Variants in ARHGAP32 observed in about 807,000 individuals in gnomAD.
ARHGAP32 encodes Rho GTPase activating protein 32.
Under a neutral mutation model 186.5 loss-of-function variants are expected in ARHGAP32, and 51 were observed. The observed-to-expected ratio is 0.27, with a 90% CI of 0.22 to 0.35. The LOEUF (loss-of-function observed/expected upper bound fraction) is 0.35. Ranked by LOEUF, ARHGAP32 falls within the 10% of genes least tolerant of loss-of-function variation. ARHGAP32 has a pLI of 1.00. For missense variants in ARHGAP32, 2,186 were observed against 2,623.5 expected (o/e 0.83, Z 3.64); for synonymous variants, 950 against 964.3 (o/e 0.99, Z 0.27).
intron 6 of ARHGAP32, among the ~76,000 whole-genome samples, chr11:129,088,687 T>C (rs573159886): frequency 2.6e-5 from 4 of 152,260 alleles, no homozygotes; most frequent in Non-Finnish European, 4.4e-5. Flanking sequence ...AAGGAATAAA[T>C]CAAAATCTCT....
intron 1 of ARHGAP32, among the ~76,000 whole-genome samples, chr11:129,202,088 A>G (rs1944462849): frequency 6.6e-6 from 1 of 152,096 alleles, no homozygotes; most frequent in African/African-American, 2.4e-5. Flanking sequence ...ACATATACAT[A>G]TACACACATA....
Position 129,201,561 on chromosome 11 carries a change from C to T in ARHGAP32, c.-4-37134G>A, listed in dbSNP as rs189179473. Among the ~76,000 whole-genome samples, 255 of 152,164 alleles carry T rather than the reference C, an allele frequency of 1.7e-3. 2 individuals are homozygous for T. The highest frequency in any genetic ancestry group is 3.4e-3 in the Middle Eastern group (1 of 294). On this transcript the variant is annotated intron_variant, in intron 1 of 6. Coordinates refer to the ARHGAP32 transcript ENST00000525234. Reference sequence around the variant, plus strand: ...AGTGTGATTCTACTATTTATATCTACGGATAAATCAAAACTACTGTATATA... The same window carrying T: ...AGTGTGATTCTACTATTTATATCTATGGATAAATCAAAACTACTGTATATA...
At chr11:129,161,675 G>T (rs1943532769) in intron 2 of ARHGAP32, among the ~76,000 whole-genome samples, 1 of 152,132 alleles carries the variant, frequency 6.6e-6, no homozygotes, top group South Asian at 2.1e-4. Flanking sequence ...TGGAGAAACA[G>T]GAACACTTTT....
chr11:129,267,457 C>G (rs1250958197), intron 1 of ARHGAP32, among the ~76,000 whole-genome samples: 4 of 151,970 alleles, frequency 2.6e-5, no homozygotes, highest in Non-Finnish European at 5.9e-5. Flanking sequence ...ATAAAGTCAG[C>G]AAATGGAACA....
chr11:129,003,036 T>A (rs1161920533), intron 11 of ARHGAP32, among the ~76,000 whole-genome samples: 1 of 152,178 alleles, frequency 6.6e-6, no homozygotes, highest in African/African-American at 2.4e-5. Context: ...GACCTCGTGA[T>A]CTGCCCGCCT....
chr11:129,012,874 G>A (rs1938150272), intron 11 of ARHGAP32, among the ~76,000 whole-genome samples: 1 of 152,108 alleles, frequency 6.6e-6, no homozygotes, highest in African/African-American at 2.4e-5. Context: ...ATTATATACT[G>A]ACCAATAAAC....
At chr11:129,171,551 C>A (rs954318748) in intron 1 of ARHGAP32, among the ~76,000 whole-genome samples, 3 of 152,114 alleles carry the variant, frequency 2.0e-5, no homozygotes, top group East Asian at 1.9e-4. Context: ...GGTACCAGTA[C>A]CCTGCTGTTT....
chr11:129,195,334 T>C (rs909469587), upstream of ARHGAP32, among the ~76,000 whole-genome samples: 2 of 152,154 alleles, frequency 1.3e-5, no homozygotes, highest in Non-Finnish European at 2.9e-5. Context: ...TCTTTTGTTC[T>C]TTCATTATGA....
At chr11:129,202,586 A>G (rs140399542) in intron 1 of ARHGAP32, among the ~76,000 whole-genome samples, 1 of 152,350 alleles carries the variant, frequency 6.6e-6, no homozygotes, top group Admixed American at 6.5e-5. Context: ...GATTCTTTTC[A>G]TATCAAGATC....
intron 6 of ARHGAP32, among the ~76,000 whole-genome samples, chr11:129,076,261 T>C (rs1483656617): frequency 6.6e-6 from 1 of 151,832 alleles, no homozygotes; most frequent in Non-Finnish European, 1.5e-5. Context: ...AATCAAGAAA[T>C]AACATAAAAA....
intron 5 of ARHGAP32, among the ~76,000 whole-genome samples, chr11:129,100,582 T>C (rs1029229157): frequency 6.6e-6 from 1 of 151,796 alleles, no homozygotes; most frequent in Non-Finnish European, 1.5e-5. Flanking sequence ...TGAACAAGAG[T>C]GCAATCCACC....
intron 5 of ARHGAP32, among the ~76,000 whole-genome samples, chr11:129,106,766 TAAGAC>T (rs371065065): frequency 2.3e-3 from 351 of 152,112 alleles, no homozygotes; most frequent in African/African-American, 8.3e-3. Context: ...ACCTTAAAGA[TAAGAC>T]AAGTAGATAA....
intron 10 of ARHGAP32, among the ~76,000 whole-genome samples, chr11:129,043,353 TTC>T (rs1219665219): frequency 6.6e-6 from 1 of 151,858 alleles, no homozygotes; most frequent in Admixed American, 6.6e-5. Flanking sequence ...CTCTAACATT[TTC>T]TCTTTCTATG....
intron 1 of ARHGAP32, among the ~76,000 whole-genome samples, chr11:129,204,129 A>G (rs1944489123): frequency 6.6e-6 from 1 of 151,342 alleles, no homozygotes. Flanking sequence ...TCCATGAGAT[A>G]CAGAAGGCAT....
intron 1 of ARHGAP32, among the ~76,000 whole-genome samples, chr11:129,172,679 T>G (rs1185578836): frequency 6.6e-6 from 1 of 152,168 alleles, no homozygotes; most frequent in Non-Finnish European, 1.5e-5. Context: ...TTGAACAACC[T>G]GCTCCTGAAT....
chr11:129,170,139 G>A (rs1014954704), intron 1 of ARHGAP32, among the ~76,000 whole-genome samples: 2 of 150,124 alleles, frequency 1.3e-5, no homozygotes, highest in Non-Finnish European at 3.0e-5. Context: ...CTAAAATCAA[G>A]CCCTATAATT....
In ARHGAP32 at chr11:129,164,356, C is replaced by T. The variant is rs867574365; in HGVS notation, c.188G>A (p.Arg63Gln). ...VPELHRNVHPRERPDWEETLS... is the reference protein window; with the variant it reads ...VPELHRNVHPQERPDWEETLS... ...AGTTTCTTCCCAATCAGGCCGCTCT[C>T]GAGGGTGTACATTTCTATGTAGCTC... The change falls in exon 2 of 23, where the codon CGA (arginine) becomes CAA (glutamine). Residue 63 changes from arginine to glutamine, a missense_variant. Coordinates refer to ENST00000682385, the MANE Select transcript of ARHGAP32 (RefSeq NM_001378024.1). 9 of 1,582,716 alleles carry T rather than the reference C, an allele frequency of 5.7e-6. No homozygotes were observed. The highest frequency in any genetic ancestry group is 1.8e-5 in the Admixed American group (1 of 56,022).
intron 2 of ARHGAP32, among the ~76,000 whole-genome samples, chr11:129,143,470 G>A (rs1427537119): frequency 1.1e-4 from 16 of 152,220 alleles, no homozygotes; most frequent in Admixed American, 9.2e-4. Flanking sequence ...ACTCCGTCCC[G>A]CCTGGAACAT....
chr11:128,999,748 T>C (rs1460313479), intron 11 of ARHGAP32, among the ~76,000 whole-genome samples: 2 of 152,166 alleles, frequency 1.3e-5, no homozygotes, highest in East Asian at 3.8e-4. Context: ...TCCCCCGATA[T>C]CTTCTCACCA....
Sources: gnomAD v4.1 joint callset for allele counts (sites outside exome capture counted in the v4.1 genomes callset) on GRCh38, gnomAD v4.1.1 for gene constraint, MANE v1.5 for transcripts, NCBI Gene and HGNC (gene_info 2026-07-23, HGNC 2026-07-21) for gene names.